Variants in MDGA2 observed in about 807,000 individuals in gnomAD.
MDGA2 encodes MAM domain-containing glycosylphosphatidylinositol anchor protein 2.
MDGA2 carries 40 observed loss-of-function variants against 117.8 expected under a neutral mutation model. That is an observed-to-expected ratio of 0.34 (90% confidence interval 0.26 to 0.44). The LOEUF is 0.44. Among genes scored for constraint, MDGA2 ranks in the 20% least tolerant of loss-of-function variants. MDGA2 has a pLI of 1.00. For missense variants in MDGA2, 1,123 were observed against 1,250.6 expected (o/e 0.90, Z 1.54); for synonymous variants, 452 against 439.0 (o/e 1.03, Z -0.37).
At chr14:47,081,530 CAT>C (rs1594600071) in intron 6 of MDGA2, among the ~76,000 whole-genome samples, 4 of 152,124 alleles carry the variant, frequency 2.6e-5, no homozygotes, top group South Asian at 4.1e-4. Context: ...AATTTAGACA[CAT>C]GTGCTTTTAG....
At chr14:46,879,053 T>C (rs765168422) in intron 11 of MDGA2, among the ~76,000 whole-genome samples, 7 of 152,144 alleles carry the variant, frequency 4.6e-5, no homozygotes, top group Admixed American at 3.3e-4. Flanking sequence ...ATGCATATTA[T>C]AGACAATTGT....
intron 2 of MDGA2, among the ~76,000 whole-genome samples, chr14:47,265,045 C>A (rs1001318897): frequency 6.6e-6 from 1 of 151,972 alleles, no homozygotes; most frequent in Non-Finnish European, 1.5e-5. Flanking sequence ...TGAAACCAAG[C>A]AAAACAAAAA....
intron 1 of MDGA2, among the ~76,000 whole-genome samples, chr14:47,323,519 C>T (rs1890052158): frequency 6.6e-6 from 1 of 151,956 alleles, no homozygotes; most frequent in Non-Finnish European, 1.5e-5. Flanking sequence ...GTAATCCCAG[C>T]TACTAAGGAG....
intron 3 of MDGA2, among the ~76,000 whole-genome samples, chr14:47,180,069 G>A (rs562061130): frequency 9.9e-5 from 15 of 152,008 alleles, no homozygotes; most frequent in South Asian, 4.1e-4. Flanking sequence ...AAAGATGCAG[G>A]TTTGTCACAT....
chr14:46,956,020 T>G (rs923824344), intron 9 of MDGA2, among the ~76,000 whole-genome samples: 4 of 152,092 alleles, frequency 2.6e-5, no homozygotes, highest in Non-Finnish European at 5.9e-5. Context: ...TGTTTCAAAG[T>G]TTCATCCAGA....
chr14:47,434,677 T>C (rs1306179154), intron 1 of MDGA2, among the ~76,000 whole-genome samples: 4 of 152,114 alleles, frequency 2.6e-5, no homozygotes, highest in African/African-American at 7.2e-5. Flanking sequence ...AAGTGGTAAA[T>C]ATAGCTTGTG....
intron 8 of MDGA2, among the ~76,000 whole-genome samples, chr14:46,972,429 G>A (rs1051513494): frequency 1.3e-5 from 2 of 152,094 alleles, no homozygotes; most frequent in Non-Finnish European, 2.9e-5. Context: ...GAAGAAAAAA[G>A]GATTGAGATG....
chr14:46,999,519 A>T (rs1312183468), intron 8 of MDGA2, among the ~76,000 whole-genome samples: 14 of 152,070 alleles, frequency 9.2e-5, no homozygotes, highest in Non-Finnish European at 1.5e-5. Flanking sequence ...AGTAGAAAAA[A>T]TTTTCCCCTG....
chr14:47,015,241 TATA>T (rs1306587678), intron 8 of MDGA2, among the ~76,000 whole-genome samples: 3 of 150,830 alleles, frequency 2.0e-5, no homozygotes, highest in Non-Finnish European at 2.9e-5. Flanking sequence ...CCATTACAGA[TATA>T]ATAATAATAA....
intron 1 of MDGA2, among the ~76,000 whole-genome samples, chr14:47,403,445 C>T (rs186146382): frequency 7.8e-6 from 1 of 127,982 alleles, no homozygotes; most frequent in Non-Finnish European, 1.7e-5. Flanking sequence ...GTCAATATTG[C>T]GGTCTTCTTG....
intron 1 of MDGA2, among the ~76,000 whole-genome samples, chr14:47,628,328 T>C (rs1342984194): frequency 6.6e-6 from 1 of 152,222 alleles, no homozygotes; most frequent in African/African-American, 2.4e-5. Flanking sequence ...CATATCTGCC[T>C]CTACATCCTC....
At chr14:46,991,530 A>C (rs1293627568) in intron 8 of MDGA2, among the ~76,000 whole-genome samples, 1 of 152,084 alleles carries the variant, frequency 6.6e-6, no homozygotes, top group Non-Finnish European at 1.5e-5. Flanking sequence ...TGGACATTTA[A>C]ATTATTTGGA....
chr14:47,649,276 TTATC>T, intron 1 of MDGA2, among the ~76,000 whole-genome samples: 1 of 152,178 alleles, frequency 6.6e-6, no homozygotes, highest in Non-Finnish European at 1.5e-5. Flanking sequence ...GCTTAAAAGT[TTATC>T]TATAGACAAA....
rs927097656 is a variant in MDGA2, at chr14:46,842,923, A to G, written c.2990-904T>C. Among the ~76,000 whole-genome samples the G allele has an allele frequency of 3.3e-5, 5 of 152,332 alleles. No homozygotes were observed. The South Asian group carries it at 1.0e-3, about 32-fold the overall frequency. ...TATAATATTCATTTAATAATCATCA[A>G]TCAATCAAATGCTAGTCATAAAATG... On this transcript the variant is annotated intron_variant, in intron 16 of 16. Coordinates refer to ENST00000399232, the MANE Select transcript of MDGA2 (RefSeq NM_001113498.3).
At chr14:47,380,873 C>G (rs945904414) in intron 1 of MDGA2, among the ~76,000 whole-genome samples, 1 of 152,088 alleles carries the variant, frequency 6.6e-6, no homozygotes, top group African/African-American at 2.4e-5. Context: ...AGGCCAGCAT[C>G]ATCCTGATAC....
intron 1 of MDGA2, among the ~76,000 whole-genome samples, chr14:47,504,278 C>T (rs544391828): frequency 1.3e-5 from 2 of 152,084 alleles, no homozygotes; most frequent in South Asian, 4.1e-4. Flanking sequence ...TTAATTTTCT[C>T]CATTATTATT....
intron 1 of MDGA2, among the ~76,000 whole-genome samples, chr14:47,660,898 T>C (rs1335012489): frequency 1.3e-5 from 2 of 152,106 alleles, no homozygotes; most frequent in East Asian, 1.9e-4. Flanking sequence ...ATAAATTATA[T>C]GAGAGAGAGT....
At chr14:47,510,915 GT>G (rs1290356003) in intron 1 of MDGA2, among the ~76,000 whole-genome samples, 1 of 146,920 alleles carries the variant, frequency 6.8e-6, no homozygotes, top group Non-Finnish European at 1.5e-5. Context: ...CAGCTCAAAT[GT>G]TTTTTCTTTG....
Position 47,167,925 on chromosome 14 carries a change from C to T in MDGA2, c.596-23651G>A, listed in dbSNP as rs76284261. Among the ~76,000 whole-genome samples, 241 of 152,302 alleles carry T rather than the reference C, an allele frequency of 1.6e-3. 2 individuals are homozygous for T. The highest frequency in any genetic ancestry group is 5.6e-3 in the African/African-American group (232 of 41,566). On this transcript the variant is annotated intron_variant, in intron 3 of 16. Transcript: ENST00000399232. ...TAACTTAATTGCATTTCAACCACAG[C>T]TGCATCTCTTTTATTGCATATTTCC...
Sources: allele counts gnomAD v4.1 joint callset (sites outside exome capture counted in the v4.1 genomes callset), GRCh38; gene constraint gnomAD v4.1.1; transcripts MANE v1.5; gene names NCBI Gene and HGNC (gene_info 2026-07-23, HGNC 2026-07-21).